The following ZFR2 variants were observed in gnomAD, a reference collection of about 807,000 sequenced individuals.
ZFR2 encodes zinc finger RNA-binding protein 2.
Under a neutral mutation model 105.7 loss-of-function variants are expected in ZFR2, and 104 were observed. The ratio of observed to expected loss-of-function variants is 0.98; its 90% CI spans 0.84 to 1.16. The LOEUF (loss-of-function observed/expected upper bound fraction) is 1.16, where lower values mean the gene tolerates loss of function less well. Ranked by LOEUF, ZFR2 falls within the 50% of genes most tolerant of loss-of-function variation. The pLI is 0.00. For synonymous variants in ZFR2, 634 were observed against 597.7 expected, an observed-to-expected ratio of 1.06 and a Z score of -0.89; for missense variants, 1,425 against 1,355.5, an observed-to-expected ratio of 1.05 and a Z score of -0.80.
intron 1 of ZFR2, among the ~76,000 whole-genome samples, chr19:3,848,773 C>A (rs1020037246): frequency 6.6e-6 from 1 of 151,800 alleles, no homozygotes; most frequent in African/African-American, 2.4e-5. Context: ...GGGCGGATCA[C>A]GAGGTCAGGA....
rs528787873 is a variant in ZFR2 at position 3,822,182 on chromosome 19, G to A, written c.1390C>T (p.Arg464Ter). 3.6e-5 allele frequency: 58 copies of A among 1,598,542 alleles called. No homozygotes were observed. The South Asian group carries it at 6.3e-4, about 17-fold the overall frequency. ...YVEEVFSDEGRVLRFHCKLCE... is the reference protein window; with the variant it reads ...YVEEVFSDEG ...AGCTTGCAGTGGAAGCGAAGCACTC[G>A]CCCTTCGTCGCTGAACACCTGAGAC... is the stretch of plus-strand genomic sequence containing the variant. Residue 464 changes from arginine to a stop codon, truncating the protein, a stop_gained, in exon 9 of 19, where the codon CGA becomes TGA. Transcript: ENST00000262961. LOFTEE classifies it high-confidence loss of function.
chr19:3,851,516 C>A (rs1336355374), intron 1 of ZFR2, among the ~76,000 whole-genome samples: 1 of 152,188 alleles, frequency 6.6e-6, no homozygotes, highest in Non-Finnish European at 1.5e-5. Context: ...AGCATGCTTA[C>A]ACGAGGAAGT....
intron 1 of ZFR2, 21 bp downstream of exon 1, chr19:3,868,944 C>T: frequency 7.7e-7 from 1 of 1,293,124 alleles, no homozygotes; most frequent in Non-Finnish European, 9.9e-7. Flanking sequence ...CTGGCGGGGG[C>T]TGGCGCGGCG....
intron 1 of ZFR2, among the ~76,000 whole-genome samples, chr19:3,853,130 T>C (rs1422083562): frequency 6.6e-6 from 1 of 152,154 alleles, no homozygotes; most frequent in Non-Finnish European, 1.5e-5. Flanking sequence ...AACTCAGATC[T>C]GGGAAGGACA....
At chr19:3,850,544 G>T (rs936505200) in intron 1 of ZFR2, among the ~76,000 whole-genome samples, 1 of 151,982 alleles carries the variant, frequency 6.6e-6, no homozygotes, top group African/African-American at 2.4e-5. Context: ...GTTATATGAC[G>T]TCATCAGGTG....
Position 3,805,937 on chromosome 19 carries a change from G to A in ZFR2, c.*12C>T, listed in dbSNP as rs146429625. The A allele has an allele frequency of 4.7e-4, 712 of 1,523,724 alleles. 4 individuals are homozygous for A. The African/African-American group carries it at 9.1e-3, about 20-fold the overall frequency. 94.4% of individuals were successfully genotyped at this position (1,523,724 alleles called of 1,614,324 possible). On this transcript the variant is annotated 3_prime_UTR_variant, in exon 19 of 19. Transcript: ENST00000262961. ...GGGATGCAAAGGCCCGCAGGTGGGG[G>A]AGGTAGGCGGCTCACACGAGCCCCT...
chr19:3,813,784 G>A lies in ZFR2; in HGVS notation c.2242+36C>T. 2 of 1,610,466 alleles carry A rather than the reference G, an allele frequency of 1.2e-6. No homozygotes were observed. Among genetic ancestry groups the A allele is most frequent in the Non-Finnish European group, 1.7e-6 (2 of 1,178,028 alleles). ...TGGGGAGCGCCCTGGGGAAGCGTGAGGGGGACAGTGGTTGGAAGGAAGGGC... is the reference window on the plus strand; with the variant it reads ...TGGGGAGCGCCCTGGGGAAGCGTGAAGGGGACAGTGGTTGGAAGGAAGGGC... On this transcript the variant is annotated intron_variant, in intron 14 of 18. Coordinates refer to ENST00000262961, the MANE Select transcript of ZFR2 (RefSeq NM_015174.2). The surrounding 1 kb of genome is among the most constrained non-coding windows in gnomAD (Gnocchi z 4.4).
At chr19:3,837,856 A>T (rs1181867400) in intron 1 of ZFR2, among the ~76,000 whole-genome samples, 1 of 152,152 alleles carries the variant, frequency 6.6e-6, no homozygotes, top group Admixed American at 6.5e-5. Context: ...CTCAATGAAC[A>T]CCATGATTGT....
intron 13 of ZFR2, among the ~76,000 whole-genome samples, chr19:3,814,545 C>T (rs1292471825): frequency 6.6e-6 from 1 of 152,220 alleles, no homozygotes; most frequent in African/African-American, 2.4e-5. Context: ...TCAGGGCCTC[C>T]CTGCTGCAAG....
rs1351810387 is a variant in ZFR2, at chr19:3,838,633, C to T, written c.54-3650G>A. 1.3e-5 allele frequency among the ~76,000 whole-genome samples: 2 copies of T among 152,216 alleles called. No homozygotes were observed. Among genetic ancestry groups the T allele is most frequent in the African/African-American group, 2.4e-5 (1 of 41,464 alleles). On this transcript the variant is annotated intron_variant, in intron 1 of 18. Transcript: ENST00000262961. The surrounding 1 kb of genome is among the most constrained non-coding windows in gnomAD (Gnocchi z 4.9). ...CCCTCCCAAGGCCCTGCCACAGCCA[C>T]ATCCCACCGATCCCATCCCCCCGTG...
At chr19:3,841,286 G>A (rs1049657991) in intron 1 of ZFR2, among the ~76,000 whole-genome samples, 2 of 152,226 alleles carry the variant, frequency 1.3e-5, no homozygotes, top group Non-Finnish European at 2.9e-5. Flanking sequence ...CTCACTCCTC[G>A]GCAGGGCCAT....
At position 3,868,761 on chromosome 19, in the gene ZFR2, C is replaced by T. The variant is rs551022451; in HGVS notation, c.53+204G>A. On this transcript the variant is annotated intron_variant, in intron 1 of 18. Transcript: ENST00000262961. ...TGCAGAGACGTCTCAGCCGGAGCCC[C>T]GGAGCCCGCATCCCGCCCGGTGCCT... 6.6e-5 allele frequency among the ~76,000 whole-genome samples: 10 copies of T among 152,226 alleles called. No homozygotes were observed. In the South Asian group the frequency reaches 2.1e-3, roughly 32 times the overall value.
chr19:3,852,901 G>A (rs984513704), intron 1 of ZFR2, among the ~76,000 whole-genome samples: 2 of 152,220 alleles, frequency 1.3e-5, no homozygotes, highest in African/African-American at 4.8e-5. Context: ...GCATGGAGTG[G>A]GTGGAGGCCA....
At chr19:3,857,645 G>A (rs939173635) in intron 1 of ZFR2, among the ~76,000 whole-genome samples, 67 of 147,916 alleles carry the variant, frequency 4.5e-4, no homozygotes, top group Non-Finnish European at 7.1e-4. Flanking sequence ...GCTGTGAGCC[G>A]AGATTGCGCC....
Position 3,861,808 on chromosome 19 carries a change from C to T in ZFR2, c.53+7157G>A, listed in dbSNP as rs375527179. 1.3e-4 allele frequency among the ~76,000 whole-genome samples: 20 copies of T among 152,210 alleles called. No individual in the cohort carries two copies. In the South Asian group the frequency reaches 3.5e-3, roughly 27 times the overall value. ...GGGCGTGGTGGTGCATGCCTGTAGT[C>T]CCAGCTGCTAGGGAGGCTGAGGCAG... On this transcript the variant is annotated intron_variant, in intron 1 of 18. Transcript: ENST00000262961.
chr19:3,820,921 ACCGGGGGTCGGGGG>A, intron 10 of ZFR2, among the ~76,000 whole-genome samples: 1 of 82,394 alleles, frequency 1.2e-5, no homozygotes, highest in Non-Finnish European at 2.6e-5. Flanking sequence ...ACACAGGGAC[ACCGGGGGTCGGGGG>A]ACACAGGGAC....
chr19:3,807,716 C>T (rs112945240), intron 17 of ZFR2, among the ~76,000 whole-genome samples: 258 of 147,914 alleles, frequency 1.7e-3, no homozygotes, highest in African/African-American at 6.1e-3. Context: ...CATGCATGCA[C>T]GGTGTGCCCG....
rs751199858 is a variant in ZFR2, at chr19:3,823,448, G to A, written c.1214-45C>T. The A allele has an allele frequency of 3.9e-6, 6 of 1,534,486 alleles. No individual in the cohort carries two copies. The highest frequency in any genetic ancestry group is 4.0e-5 in the Admixed American group (2 of 49,774). On this transcript the variant is annotated intron_variant, in intron 7 of 18. Coordinates refer to ENST00000262961, the MANE Select transcript of ZFR2 (RefSeq NM_015174.2). This position sits in a 1 kb window ranked among gnomAD's most constrained non-coding sequence, Gnocchi z 5.4. Reference sequence around the variant, plus strand: ...CACTTATACCCTGTTCCAGGAGAAAGCACTGCAGCTGCAGACCCGCCAGGC... The same window carrying A: ...CACTTATACCCTGTTCCAGGAGAAAACACTGCAGCTGCAGACCCGCCAGGC...
chr19:3,861,223 G>A (rs2038369947), intron 1 of ZFR2, among the ~76,000 whole-genome samples: 1 of 152,088 alleles, frequency 6.6e-6, no homozygotes, highest in South Asian at 2.1e-4. Context: ...TTACCTTAGG[G>A]GAAAAAAACC....
Sources: allele counts gnomAD v4.1 joint callset (sites outside exome capture counted in the v4.1 genomes callset), GRCh38; gene constraint gnomAD v4.1.1; non-coding constraint Gnocchi (gnomAD v3.1); transcripts MANE v1.5; gene names NCBI Gene and HGNC (gene_info 2026-07-23, HGNC 2026-07-21).